The following CCDC3 variants were observed in gnomAD, a reference collection of about 807,000 sequenced individuals.
CCDC3 encodes coiled-coil domain-containing protein 3.
Under a neutral mutation model 21.4 loss-of-function variants are expected in CCDC3, and 24 were observed. The ratio of observed to expected loss-of-function variants is 1.12; its 90% CI spans 0.81 to 1.58. The LOEUF (loss-of-function observed/expected upper bound fraction) is 1.58. Ranked by LOEUF, CCDC3 falls within the 40% of genes most tolerant of loss-of-function variation. CCDC3 has a pLI of 0.00. For synonymous variants in CCDC3, 186 were observed against 166.0 expected (o/e 1.12, Z -0.93); for missense variants, 425 against 360.9 (o/e 1.18, Z -1.44).
rs752391184 is a variant in CCDC3 at position 13,029,502 on chromosome 10, GAGA to G, written c.-2+20169_-2+20171del. Among the ~76,000 whole-genome samples, 195 of 152,262 alleles carry G rather than the reference GAGA, an allele frequency of 1.3e-3. 1 individual carries two copies. Among genetic ancestry groups the G allele is most frequent in the Non-Finnish European group, 2.1e-3 (145 of 68,022 alleles). On this transcript the variant is annotated intron_variant, in intron 5 of 6. Transcript: ENST00000378839. Reference sequence around the variant, plus strand: ...ACAGAGAATGACTTTGACAAGTTGAGAGAAGAAGGCTTCAGACGATCGGTAATA... The same window carrying G: ...ACAGAGAATGACTTTGACAAGTTGAGAGAAGGCTTCAGACGATCGGTAATA...
intron 2 of CCDC3, among the ~76,000 whole-genome samples, chr10:12,939,483 C>A (rs573692051): frequency 1.5e-4 from 23 of 152,216 alleles, no homozygotes; most frequent in African/African-American, 5.5e-4. Flanking sequence ...ATTAGCTAGG[C>A]ATAGTGGCAT....
chr10:12,916,523 G>A lies in CCDC3; in HGVS notation c.550-17844C>T, dbSNP rs1312177713. Among the ~76,000 whole-genome samples, 6 of 151,138 alleles carry A rather than the reference G, an allele frequency of 4.0e-5. No homozygotes were observed. The East Asian group carries it at 9.7e-4, about 24-fold the overall frequency. ...CCTGAAGCTATGTGGACCAACCTGA[G>A]GCAGGAGAATCGCTTGAACCTGGGA... On this transcript the variant is annotated intron_variant, in intron 2 of 2. Coordinates refer to ENST00000378825, the MANE Select transcript of CCDC3 (RefSeq NM_031455.4).
At chr10:13,069,969 G>A (rs975958196) in intron 4 of CCDC3, among the ~76,000 whole-genome samples, 5 of 152,092 alleles carry the variant, frequency 3.3e-5, no homozygotes, top group East Asian at 1.9e-4. Context: ...TGAAATGCAG[G>A]TTTCTGATAA....
At chr10:13,014,428 C>T (rs546752077) in intron 5 of CCDC3, among the ~76,000 whole-genome samples, 37 of 133,532 alleles carry the variant, frequency 2.8e-4, no homozygotes, top group Non-Finnish European at 3.9e-4. Flanking sequence ...CCAGCCTGGG[C>T]GACAGAGTGA....
At chr10:13,097,095 C>G (rs1268888375) in intron 3 of CCDC3, among the ~76,000 whole-genome samples, 2 of 152,164 alleles carry the variant, frequency 1.3e-5, no homozygotes, top group African/African-American at 4.8e-5. Flanking sequence ...GGAAAGGGAA[C>G]ACAAGGAACA....
intron 3 of CCDC3, among the ~76,000 whole-genome samples, chr10:13,095,488 G>C (rs1832619270): frequency 3.3e-5 from 5 of 152,176 alleles, no homozygotes; most frequent in South Asian, 4.1e-4. Flanking sequence ...TCAGGCATTA[G>C]AGTCTCATAA....
chr10:13,053,810 G>A (rs567517401), intron 4 of CCDC3, among the ~76,000 whole-genome samples: 2 of 152,258 alleles, frequency 1.3e-5, no homozygotes, highest in Admixed American at 6.5e-5. Flanking sequence ...ACAGCCCATA[G>A]TGTCATCTGG....
At chr10:13,057,599 A>C (rs1043704630) in intron 4 of CCDC3, among the ~76,000 whole-genome samples, 1 of 151,800 alleles carries the variant, frequency 6.6e-6, no homozygotes, top group African/African-American at 2.4e-5. Flanking sequence ...GTTTGGTTTG[A>C]CCGGGCGCGG....
chr10:13,016,030 A>C (rs547774971), intron 5 of CCDC3, among the ~76,000 whole-genome samples: 1 of 152,146 alleles, frequency 6.6e-6, no homozygotes, highest in African/African-American at 2.4e-5. Flanking sequence ...TACACACTGC[A>C]TGCCTATATC....
At chr10:12,983,144 A>ATATATATC (rs1835530705) in intron 2 of CCDC3, among the ~76,000 whole-genome samples, 1 of 15,126 alleles carries the variant, frequency 6.6e-5, no homozygotes, top group Non-Finnish European at 1.8e-4. Flanking sequence ...ATATATATAT[A>ATATATATC]TATATATATA....
chr10:13,037,542 C>T (rs1836393701), intron 5 of CCDC3, among the ~76,000 whole-genome samples: 1 of 152,108 alleles, frequency 6.6e-6, no homozygotes, highest in Non-Finnish European at 1.5e-5. Flanking sequence ...CATCTCTCTC[C>T]TCCCTTTTTC....
intron 4 of CCDC3, among the ~76,000 whole-genome samples, chr10:13,060,424 G>A (rs1200382950): frequency 1.3e-5 from 2 of 152,108 alleles, no homozygotes; most frequent in Non-Finnish European, 2.9e-5. Flanking sequence ...TAAAGGCCAA[G>A]GAGCAGAAGT....
At chr10:12,952,523 C>T (rs1835022240) in intron 2 of CCDC3, among the ~76,000 whole-genome samples, 1 of 152,142 alleles carries the variant, frequency 6.6e-6, no homozygotes, top group Admixed American at 6.5e-5. Context: ...AGAATAACTC[C>T]CAGACTAGCC....
At chr10:13,020,042 A>G (rs1285689690) in intron 5 of CCDC3, among the ~76,000 whole-genome samples, 1 of 152,220 alleles carries the variant, frequency 6.6e-6, no homozygotes, top group Non-Finnish European at 1.5e-5. Context: ...CACTATTAGT[A>G]AATTATGAAT....
chr10:13,000,776 C>A lies in CCDC3; in HGVS notation c.374+421G>T, dbSNP rs116228336. ...GCTATGGAAGTTCTTGAGAAGGTGT[C>A]AAGAAATGCGCTCAGAATCACGGTT... is the stretch of plus-strand genomic sequence containing the variant. On this transcript the variant is annotated intron_variant, in intron 1 of 2. Transcript: ENST00000378825. Among the ~76,000 whole-genome samples, 959 of 152,234 alleles carry A rather than the reference C, an allele frequency of 6.3e-3. 11 individuals carry two copies. The highest frequency in any genetic ancestry group is 0.022 in the African/African-American group (923 of 41,526).
At chr10:12,963,440 A>G (rs1381541462) in intron 2 of CCDC3, among the ~76,000 whole-genome samples, 1 of 152,192 alleles carries the variant, frequency 6.6e-6, no homozygotes, top group Admixed American at 6.5e-5. Context: ...CGTCTTCAAC[A>G]CTTTCTAAAG....
At position 12,969,251 on chromosome 10, in the gene CCDC3, T is replaced by C. The variant is rs375359980; in HGVS notation, c.549+29087A>G. ...AGGGAAAAGGAGATTAAAACCATAATGAACTGTCATCTCACACCTGTTAGA... is the reference window on the plus strand; with the variant it reads ...AGGGAAAAGGAGATTAAAACCATAACGAACTGTCATCTCACACCTGTTAGA... On this transcript the variant is annotated intron_variant, in intron 2 of 2. Coordinates refer to ENST00000378825, the MANE Select transcript of CCDC3 (RefSeq NM_031455.4). 2.0e-3 allele frequency among the ~76,000 whole-genome samples: 311 copies of C among 152,176 alleles called. 14 individuals carry two copies. In the South Asian group the frequency reaches 0.062, roughly 30 times the overall value.
chr10:12,923,110 C>G (rs771449566), intron 2 of CCDC3, among the ~76,000 whole-genome samples: 3 of 152,266 alleles, frequency 2.0e-5, no homozygotes, highest in Non-Finnish European at 4.4e-5. Context: ...ACTGGGTAGA[C>G]AAAACCAGAT....
At chr10:13,044,407 G>A (rs1465905051) in intron 5 of CCDC3, among the ~76,000 whole-genome samples, 1 of 152,182 alleles carries the variant, frequency 6.6e-6, no homozygotes, top group Non-Finnish European at 1.5e-5. Flanking sequence ...TGAGGACTTT[G>A]TCATAAATTC....
Sources: allele counts gnomAD v4.1 joint callset (sites outside exome capture counted in the v4.1 genomes callset), GRCh38; gene constraint gnomAD v4.1.1; transcripts MANE v1.5; gene names NCBI Gene and HGNC (gene_info 2026-07-23, HGNC 2026-07-21).